HS3ST4: variants seen among roughly 807,000 people sequenced by gnomAD.
HS3ST4 encodes the protein heparan sulfate-glucosamine 3-sulfotransferase 4.
HS3ST4 carries 17 observed loss-of-function variants against 29.2 expected under a neutral mutation model. The observed-to-expected ratio is 0.58, with a 90% CI of 0.40 to 0.87. The LOEUF (loss-of-function observed/expected upper bound fraction) is 0.87, where lower values mean the gene tolerates loss of function less well. Ranked by LOEUF, HS3ST4 falls within the 40% of genes least tolerant of loss-of-function variation. HS3ST4 has a pLI of 0.00. For synonymous variants in HS3ST4, 314 were observed against 285.7 expected (o/e 1.10, Z -1.00); for missense variants, 627 against 634.5 (o/e 0.99, Z 0.13).
At chr16:25,795,752 A>G (rs1007396741) in intron 1 of HS3ST4, among the ~76,000 whole-genome samples, 2 of 152,118 alleles carry the variant, frequency 1.3e-5, no homozygotes, top group Non-Finnish European at 2.9e-5. Flanking sequence ...TCAGACCATC[A>G]TAGATAGAGC....
intron 1 of HS3ST4, among the ~76,000 whole-genome samples, chr16:25,969,597 C>G (rs1439615253): frequency 1.3e-5 from 2 of 152,210 alleles, no homozygotes; most frequent in Non-Finnish European, 2.9e-5. Context: ...CCTGGGACAA[C>G]TCTCTTAGCA....
intron 1 of HS3ST4, among the ~76,000 whole-genome samples, chr16:25,785,887 C>T (rs902212445): frequency 3.3e-5 from 5 of 152,074 alleles, no homozygotes; most frequent in Non-Finnish European, 5.9e-5. Context: ...ACAAACTGGA[C>T]ATGGCCCAGA....
intron 1 of HS3ST4, among the ~76,000 whole-genome samples, chr16:25,873,472 ATCTATCTC>A (rs201091421): frequency 0.4 from 27,418 of 68,896 alleles, 2,957 homozygotes; most frequent in Middle Eastern, 0.42. Flanking sequence ...CCACCCATCC[ATCTATCTC>A]TCTATCTATC....
chr16:25,991,775 A>G (rs1364305432), intron 1 of HS3ST4, among the ~76,000 whole-genome samples: 2 of 152,180 alleles, frequency 1.3e-5, no homozygotes, highest in Admixed American at 6.5e-5. Context: ...TAATCCCAGC[A>G]CTTTGGGAGG....
intron 1 of HS3ST4, among the ~76,000 whole-genome samples, chr16:25,903,369 A>ATATATGTATATGTATATCT (rs1400849222): frequency 7.2e-4 from 105 of 146,840 alleles, no homozygotes; most frequent in African/African-American, 2.1e-3. Flanking sequence ...TATATCTTAT[A>ATATATGTATATGTATATCT]TATATATATA....
intron 1 of HS3ST4, among the ~76,000 whole-genome samples, chr16:25,827,914 T>C (rs1449701218): frequency 6.6e-6 from 1 of 152,178 alleles, no homozygotes; most frequent in African/African-American, 2.4e-5. Flanking sequence ...AGAGCTCGTG[T>C]TGAAACCAAG....
At chr16:26,134,000 A>T (rs1166311949) in intron 1 of HS3ST4, among the ~76,000 whole-genome samples, 1 of 152,216 alleles carries the variant, frequency 6.6e-6, no homozygotes, top group African/African-American at 2.4e-5. Flanking sequence ...GCCTGTAGCA[A>T]ATTGACTGTA....
intron 1 of HS3ST4, among the ~76,000 whole-genome samples, chr16:25,892,985 T>TA (rs1344477910): frequency 2.0e-5 from 3 of 152,136 alleles, no homozygotes; most frequent in Non-Finnish European, 4.4e-5. Context: ...AGAATAGATT[T>TA]GGGTAAGGGA....
At chr16:26,092,816 G>A (rs11074751) in intron 1 of HS3ST4, among the ~76,000 whole-genome samples, 77,044 of 151,980 alleles carry the variant, frequency 0.51, 19,814 homozygotes, top group Middle Eastern at 0.6. Context: ...GCAAGGGGTC[G>A]GGGAATTTCC....
At chr16:26,006,537 A>G (rs1969260861) in intron 1 of HS3ST4, among the ~76,000 whole-genome samples, 1 of 152,072 alleles carries the variant, frequency 6.6e-6, no homozygotes, top group South Asian at 2.1e-4. Flanking sequence ...GAGTTTTGCT[A>G]TTATTCAAAT....
Position 26,121,886 on chromosome 16 carries a change from G to A in HS3ST4, c.735-13726G>A, listed in dbSNP as rs905406973. On this transcript the variant is annotated intron_variant, in intron 1 of 1. Coordinates refer to ENST00000331351, the MANE Select transcript of HS3ST4 (RefSeq NM_006040.3). ...GAGTGTTTATGAATAAAGTATCAGC[G>A]AAGTACACTCCAGGTGGGAACCCCA... Among the ~76,000 whole-genome samples the A allele has an allele frequency of 5.9e-5, 9 of 152,168 alleles. No individual in the cohort carries two copies. In the East Asian group the frequency reaches 9.6e-4, roughly 16 times the overall value.
intron 1 of HS3ST4, among the ~76,000 whole-genome samples, chr16:25,920,947 T>A (rs907847088): frequency 6.6e-5 from 10 of 152,150 alleles, no homozygotes; most frequent in African/African-American, 2.4e-4. Context: ...ATGTCTTTGT[T>A]TATGTAGTCA....
intron 1 of HS3ST4, among the ~76,000 whole-genome samples, chr16:26,042,748 T>C (rs1969646511): frequency 7.2e-6 from 1 of 138,108 alleles, no homozygotes; most frequent in Non-Finnish European, 1.6e-5. Flanking sequence ...ATCTGCAGTG[T>C]GACTTTTTGT....
At chr16:25,806,645 C>A (rs775745843) in intron 1 of HS3ST4, among the ~76,000 whole-genome samples, 1 of 152,042 alleles carries the variant, frequency 6.6e-6, no homozygotes, top group African/African-American at 2.4e-5. Flanking sequence ...GTTGCAAGTT[C>A]ACATACAGTG....
In HS3ST4 at chr16:26,088,745, C is replaced by T. The variant is rs150193734; in HGVS notation, c.735-46867C>T. On this transcript the variant is annotated intron_variant, in intron 1 of 1. Transcript: ENST00000331351. Reference sequence around the variant, plus strand: ...ACTCTTATGTTAAGACACAGCTTGTCTTATCTGCCCTTGGATCTTACCAAG... The same window carrying T: ...ACTCTTATGTTAAGACACAGCTTGTTTTATCTGCCCTTGGATCTTACCAAG... 2.0e-5 allele frequency among the ~76,000 whole-genome samples: 3 copies of T among 152,304 alleles called. No homozygotes were observed. In the East Asian group the frequency reaches 5.8e-4, roughly 29 times the overall value.
chr16:25,783,362 G>A lies in HS3ST4; in HGVS notation c.734+90211G>A, dbSNP rs535809099. Among the ~76,000 whole-genome samples, 8 of 152,210 alleles carry A rather than the reference G, an allele frequency of 5.3e-5. No individual in the cohort carries two copies. The South Asian group carries it at 8.3e-4, about 16-fold the overall frequency. ...TAGTTTTTGCAGTTAGAACCACAGG[G>A]GTTTAACTTCCCTGCCCTCTGTTTT... On this transcript the variant is annotated intron_variant, in intron 1 of 1. Coordinates refer to ENST00000331351, the MANE Select transcript of HS3ST4 (RefSeq NM_006040.3).
At chr16:26,128,795 C>G (rs566807781) in intron 1 of HS3ST4, among the ~76,000 whole-genome samples, 25 of 152,192 alleles carry the variant, frequency 1.6e-4, no homozygotes, top group African/African-American at 3.4e-4. Context: ...GTGAAATTGC[C>G]CTGCTCAGTG....
chr16:25,814,360 G>T (rs892255604), intron 1 of HS3ST4, among the ~76,000 whole-genome samples: 5 of 151,810 alleles, frequency 3.3e-5, no homozygotes, highest in East Asian at 3.9e-4. Flanking sequence ...TGGCGGGGGC[G>T]GGGGGAGATG....
At chr16:25,841,624 T>C (rs141994344) in intron 1 of HS3ST4, among the ~76,000 whole-genome samples, 187 of 152,282 alleles carry the variant, frequency 1.2e-3, no homozygotes, top group African/African-American at 4.4e-3. Flanking sequence ...TAAATAATCT[T>C]CTAATATTTT....
Sources: gnomAD v4.1 joint callset for allele counts (sites outside exome capture counted in the v4.1 genomes callset) on GRCh38, gnomAD v4.1.1 for gene constraint, MANE v1.5 for transcripts, NCBI Gene and HGNC (gene_info 2026-07-23, HGNC 2026-07-21) for gene names.